Variants in ZNF207 observed in about 807,000 individuals in gnomAD.
ZNF207 encodes the protein BUB3-interacting and GLEBS motif-containing protein ZNF207.
A neutral mutation model predicts 60.2 loss-of-function variants in ZNF207; 24 were observed. The ratio of observed to expected loss-of-function variants is 0.40; its 90% CI spans 0.29 to 0.56. The LOEUF (loss-of-function observed/expected upper bound fraction) is 0.56. ZNF207 is among the 20% of genes least tolerant of loss of function. The pLI is 0.49. For synonymous variants in ZNF207, 236 were observed against 194.7 expected (o/e 1.21, Z -1.77); for missense variants, 452 against 636.6 (o/e 0.71, Z 3.12).
chr17:32,350,706 G>A (rs2041486930), intron 1 of ZNF207, among the ~76,000 whole-genome samples: 2 of 152,134 alleles, frequency 1.3e-5, no homozygotes, highest in Admixed American at 6.5e-5. Flanking sequence ...TTACTTTCAT[G>A]GAGGGTTGGG....
At chr17:32,363,056 G>T in intron 7 of ZNF207, 72 bp downstream of exon 7, 5 of 1,381,532 alleles carry the variant, frequency 3.6e-6, no homozygotes, top group Non-Finnish European at 5.0e-6. Flanking sequence ...ACGTCTGTGG[G>T]CATTAGTATA....
chr17:32,367,282 T>TATAAATAA (rs1555608396), intron 9 of ZNF207, among the ~76,000 whole-genome samples: 3 of 82,862 alleles, frequency 3.6e-5, no homozygotes, highest in African/African-American at 1.2e-4. Flanking sequence ...TATATATATA[T>TATAAATAA]ATAAAGAATA....
rs1555606146 is a variant in ZNF207, at chr17:32,360,186, C to CAA, written c.308-396_308-395dup. Among the ~76,000 whole-genome samples, 115 of 52,196 alleles carry CAA rather than the reference C, an allele frequency of 2.2e-3. 2 individuals are homozygous for CAA. The highest frequency in any genetic ancestry group is 4.1e-3 in the African/African-American group (57 of 13,742). The allele number at this position is 52,196 out of a possible 152,430, so 34.2% of individuals were successfully genotyped here. ...CAAGACCTCACCTTTACCCCCCCCC[C>CAA]AAAAAAAAAAAAAAAAAGCCCAGTG... On this transcript the variant is annotated intron_variant, in intron 3 of 11. Coordinates refer to ENST00000394670, the MANE Select transcript of ZNF207 (RefSeq NM_001098507.2).
intron 7 of ZNF207, 60 bp from the exon 8 acceptor site, chr17:32,365,270 G>A (rs1489817465): frequency 1.3e-5 from 21 of 1,559,294 alleles, no homozygotes; most frequent in Admixed American, 1.9e-5. Flanking sequence ...GTATAGAAGC[G>A]TTTTTTTCCA....
At chr17:32,355,981 G>A (rs72813008) in intron 2 of ZNF207, among the ~76,000 whole-genome samples, 192 of 152,306 alleles carry the variant, frequency 1.3e-3, no homozygotes, top group Non-Finnish European at 2.2e-3. Context: ...TTTATGAAGA[G>A]CAGAGAAGTG....
In ZNF207 at chr17:32,373,268, A is replaced by G. The variant is rs1905546166; in HGVS notation, c.*3509A>G. The G allele has an allele frequency of 9.5e-6, 5 of 524,666 alleles. No individual in the cohort carries two copies. Among genetic ancestry groups the G allele is most frequent in the South Asian group, 3.1e-5 (1 of 32,488 alleles). The allele number at this position is 524,666 out of a possible 1,614,324, so 32.5% of individuals were successfully genotyped here. On this transcript the variant is annotated 3_prime_UTR_variant, in exon 12 of 12. Coordinates refer to ENST00000394670, the MANE Select transcript of ZNF207 (RefSeq NM_001098507.2). ...GCTCAGAGTGGAATTGTAGTGGACA[A>G]TAGTTAAAAACAAAGCTGCTCCTTT...
At chr17:32,368,226 C>G in intron 10 of ZNF207, 1 of 628,592 alleles carries the variant, frequency 1.6e-6, no homozygotes, top group East Asian at 2.9e-5. Context: ...GTTTCTCTCC[C>G]CTTCCTCCAG....
rs942243245 is a variant in ZNF207, at chr17:32,371,298, A to G, written c.*1539A>G. The G allele has an allele frequency of 2.6e-5, 4 of 152,242 alleles. No individual in the cohort carries two copies. 9.4% of individuals were successfully genotyped at this position (152,242 alleles called of 1,614,324 possible). The stretch of plus-strand genomic sequence containing the variant: ...TCCTGTGAAGGTATAGATAAAACAC[A>G]TGAAGTCTGAAGTTGTATGGAAAAA... On this transcript the variant is annotated 3_prime_UTR_variant, in exon 12 of 12. Transcript: ENST00000394670.
intron 1 of ZNF207, 42 bp downstream of exon 1, chr17:32,350,368 C>G (rs562685009): frequency 1.9e-4 from 307 of 1,613,132 alleles, no homozygotes; most frequent in Admixed American, 3.8e-4. Flanking sequence ...GTTGGGGTGC[C>G]GGTTGTTGGG....
At position 32,379,159 on chromosome 17, in the gene ZNF207, A is replaced by G. The variant is rs1905788104; in HGVS notation, c.*9400A>G. 1.3e-5 allele frequency: 2 copies of G among 152,094 alleles called. No homozygotes were observed. The highest frequency in any genetic ancestry group is 1.3e-4 in the Admixed American group (2 of 15,276). The allele number at this position is 152,094 out of a possible 1,614,324, so 9.4% of individuals were successfully genotyped here. ...TTAATCTGTATATGAAATGGTGTAG[A>G]TACAGTGGAAATGGTTTTCCTTAAA... On this transcript the variant is annotated 3_prime_UTR_variant, in exon 12 of 12. Coordinates refer to ENST00000394670, the MANE Select transcript of ZNF207 (RefSeq NM_001098507.2).
At chr17:32,368,080 T>TAA in intron 10 of ZNF207, 66 bp downstream of exon 10, 5 of 1,586,490 alleles carry the variant, frequency 3.2e-6, no homozygotes, top group Non-Finnish European at 4.3e-6. Flanking sequence ...TTCGTCCCTT[T>TAA]AAAATAAGTG....
At chr17:32,350,577 T>G (rs555525928) in intron 1 of ZNF207, among the ~76,000 whole-genome samples, 1 of 152,066 alleles carries the variant, frequency 6.6e-6, no homozygotes, top group African/African-American at 2.4e-5. Context: ...AATTTTGGAC[T>G]CCGGGAGGCG....
At chr17:32,351,979 T>C in intron 2 of ZNF207, 67 bp downstream of exon 2, 1 of 1,444,016 alleles carries the variant, frequency 6.9e-7, no homozygotes, top group Non-Finnish European at 9.2e-7. Context: ...GAATAATCTT[T>C]TTTATTTTTT....
intron 2 of ZNF207, among the ~76,000 whole-genome samples, chr17:32,357,342 A>ATTC (rs1364261997): frequency 3.1e-5 from 2 of 64,462 alleles, no homozygotes; most frequent in Non-Finnish European, 6.0e-5. Flanking sequence ...TATTATTATT[A>ATTC]TTATTATTAT....
At chr17:32,351,581 A>G in intron 1 of ZNF207, 1 of 1,534,178 alleles carries the variant, frequency 6.5e-7, no homozygotes, top group Non-Finnish European at 8.7e-7. Context: ...TGGGGTGGTG[A>G]AGAGAGCTGG....
Position 32,360,885 on chromosome 17 carries a change from C to A in ZNF207, c.476-7C>A, listed in dbSNP as rs372903376. The A allele has an allele frequency of 2.0e-5, 32 of 1,613,922 alleles. No homozygotes were observed. In the African/African-American group the frequency reaches 3.7e-4, roughly 19 times the overall value. Reference sequence around the variant, plus strand: ...GTTATTATTTTGATTGAAATTCTTGCTTGTAGGCATACCTCCATTAATGCC... The same window carrying A: ...GTTATTATTTTGATTGAAATTCTTGATTGTAGGCATACCTCCATTAATGCC... On this transcript the variant is annotated splice_polypyrimidine_tract_variant and splice_region_variant and intron_variant, in intron 4 of 11. Coordinates refer to ENST00000394670, the MANE Select transcript of ZNF207 (RefSeq NM_001098507.2).
chr17:32,363,979 T>A (rs1319859950), intron 7 of ZNF207, among the ~76,000 whole-genome samples: 1 of 152,222 alleles, frequency 6.6e-6, no homozygotes, highest in Non-Finnish European at 1.5e-5. Context: ...CATTTGGTTA[T>A]AAGACAGCTC....
intron 2 of ZNF207, among the ~76,000 whole-genome samples, chr17:32,354,894 G>T (rs1013438380): frequency 6.6e-6 from 1 of 152,210 alleles, no homozygotes; most frequent in Non-Finnish European, 1.5e-5. Flanking sequence ...GATTACAGGC[G>T]TGAGCCACTG....
intron 3 of ZNF207, among the ~76,000 whole-genome samples, chr17:32,359,272 C>T (rs183113249): frequency 3.4e-4 from 52 of 152,078 alleles, no homozygotes; most frequent in African/African-American, 1.2e-3. Context: ...GCCACCACAC[C>T]TGGCTAATTT....
Sources: gnomAD v4.1 joint callset for allele counts (sites outside exome capture counted in the v4.1 genomes callset) on GRCh38, gnomAD v4.1.1 for gene constraint, MANE v1.5 for transcripts, NCBI Gene and HGNC (gene_info 2026-07-23, HGNC 2026-07-21) for gene names.